The following CSMD1 variants were observed in gnomAD, a reference collection of about 807,000 sequenced individuals.
The protein encoded by CSMD1 is CUB and sushi domain-containing protein 1.
CSMD1 carries 213 observed loss-of-function variants against 417.5 expected under a neutral mutation model. The ratio of observed to expected loss-of-function variants is 0.51; its 90% CI spans 0.46 to 0.57. CSMD1 has a LOEUF of 0.57. Among genes scored for constraint, CSMD1 ranks in the 20% least tolerant of loss-of-function variants. CSMD1 has a pLI of 0.00. For synonymous variants in CSMD1, 2,862 were observed against 1,736.8 expected (o/e 1.65, Z -16.11); for missense variants, 6,923 against 4,529.7 (o/e 1.53, Z -15.17).
chr8:3,562,396 ATG>A (rs1799506583), intron 10 of CSMD1, among the ~76,000 whole-genome samples: 2 of 149,864 alleles, frequency 1.3e-5, no homozygotes, highest in Non-Finnish European at 1.5e-5. Flanking sequence ...ACGTACACAC[ATG>A]CATACACACA....
At chr8:4,014,152 G>A (rs773645323) in intron 4 of CSMD1, among the ~76,000 whole-genome samples, 1 of 152,118 alleles carries the variant, frequency 6.6e-6, no homozygotes, top group African/African-American at 2.4e-5. Flanking sequence ...TAATTGTGGT[G>A]AACTGTCATA....
intron 26 of CSMD1, 99 bp downstream of exon 26, chr8:3,284,045 C>G: frequency 2.0e-6 from 2 of 977,988 alleles, no homozygotes; most frequent in Non-Finnish European, 3.1e-6. Flanking sequence ...TAAATTGCAT[C>G]TGTGTAAGGA....
chr8:3,939,417 A>G (rs185135323), intron 5 of CSMD1, among the ~76,000 whole-genome samples: 2 of 152,282 alleles, frequency 1.3e-5, no homozygotes, highest in East Asian at 1.9e-4. Flanking sequence ...TGGTGTGTGT[A>G]TAAACTACTA....
chr8:4,747,462 G>T (rs991125890), intron 1 of CSMD1, among the ~76,000 whole-genome samples: 2 of 152,056 alleles, frequency 1.3e-5, no homozygotes, highest in Non-Finnish European at 2.9e-5. Context: ...AATTTAAGCA[G>T]GAAAGAGAAG....
At chr8:4,496,276 G>C (rs986894178) in intron 2 of CSMD1, among the ~76,000 whole-genome samples, 4 of 152,160 alleles carry the variant, frequency 2.6e-5, no homozygotes, top group Admixed American at 6.6e-5. Flanking sequence ...CCGTGGCTGG[G>C]ATAAGGTGGA....
intron 7 of CSMD1, among the ~76,000 whole-genome samples, chr8:3,672,244 A>T (rs1799110137): frequency 6.6e-6 from 1 of 152,140 alleles, no homozygotes. Context: ...AGATTTTTTA[A>T]AACTTACACA....
At chr8:3,706,375 A>T (rs78347707) in intron 7 of CSMD1, among the ~76,000 whole-genome samples, 1 of 152,220 alleles carries the variant, frequency 6.6e-6, no homozygotes, top group African/African-American at 2.4e-5. Context: ...AAACAATTTC[A>T]TTTTCTCTGT....
At chr8:2,995,390 C>A (rs1181474873) in intron 54 of CSMD1, among the ~76,000 whole-genome samples, 2 of 152,134 alleles carry the variant, frequency 1.3e-5, no homozygotes, top group African/African-American at 2.4e-5. Context: ...ACAGAGTGAC[C>A]GCACCGAATG....
intron 3 of CSMD1, among the ~76,000 whole-genome samples, chr8:4,129,430 G>A (rs1362687278): frequency 1.3e-5 from 2 of 152,032 alleles, no homozygotes; most frequent in African/African-American, 4.8e-5. Flanking sequence ...CCTCTTTTAG[G>A]TAGATGTACT....
chr8:4,468,334 T>C (rs1800317264), intron 2 of CSMD1, among the ~76,000 whole-genome samples: 1 of 152,218 alleles, frequency 6.6e-6, no homozygotes, highest in Non-Finnish European at 1.5e-5. Context: ...TAGGCCTTTT[T>C]AAAGGTGTTA....
chr8:3,978,687 C>T (rs1272659832), intron 5 of CSMD1, among the ~76,000 whole-genome samples: 1 of 152,118 alleles, frequency 6.6e-6, no homozygotes, highest in Admixed American at 6.6e-5. Context: ...CCCAACCCGG[C>T]TCTACTTATC....
chr8:4,321,861 A>C, intron 3 of CSMD1, among the ~76,000 whole-genome samples: 1 of 152,286 alleles, frequency 6.6e-6, no homozygotes, highest in East Asian at 1.9e-4. Context: ...TTCATTCAGA[A>C]GAAATGAATA....
chr8:3,165,736 C>A (rs1820168157), intron 37 of CSMD1, among the ~76,000 whole-genome samples: 2 of 152,052 alleles, frequency 1.3e-5, no homozygotes, highest in Admixed American at 1.3e-4. Flanking sequence ...AAAGGTGTGT[C>A]AGATGCAGGG....
At chr8:3,260,040 T>A (rs1418380022) in intron 26 of CSMD1, among the ~76,000 whole-genome samples, 2 of 152,122 alleles carry the variant, frequency 1.3e-5, no homozygotes, top group African/African-American at 4.8e-5. Context: ...AAAGGTTTGC[T>A]CCTCCCCGGT....
intron 2 of CSMD1, among the ~76,000 whole-genome samples, chr8:4,607,885 C>G (rs1243656114): frequency 6.6e-6 from 1 of 152,190 alleles, no homozygotes; most frequent in Non-Finnish European, 1.5e-5. Flanking sequence ...TCCTTGAATT[C>G]CTTCTTACTG....
At chr8:4,561,730 G>C (rs1299357549) in intron 2 of CSMD1, among the ~76,000 whole-genome samples, 1 of 152,142 alleles carries the variant, frequency 6.6e-6, no homozygotes, top group Non-Finnish European at 1.5e-5. Flanking sequence ...AAGAAAAAGA[G>C]AACATCACTG....
intron 3 of CSMD1, among the ~76,000 whole-genome samples, chr8:4,192,147 C>T (rs1799068484): frequency 6.6e-6 from 1 of 152,234 alleles, no homozygotes; most frequent in Non-Finnish European, 1.5e-5. Context: ...GTCTTCACTC[C>T]AGTGCACCAA....
chr8:4,416,890 A>C (rs1004936644), intron 3 of CSMD1, among the ~76,000 whole-genome samples: 1 of 152,080 alleles, frequency 6.6e-6, no homozygotes, highest in Non-Finnish European at 1.5e-5. Flanking sequence ...ATAGTACTTC[A>C]AAACTGGGCA....
Position 2,965,875 on chromosome 8 carries a change from G to A in CSMD1, c.9180C>T (p.Ser3060=). 1.2e-5 allele frequency: 20 copies of A among 1,610,398 alleles called. No homozygotes were observed. The highest frequency in any genetic ancestry group is 1.7e-5 in the Non-Finnish European group (20 of 1,178,334). Residue 3060 remains serine (S), a synonymous_variant, in exon 59 of 70, where the codon AGC becomes AGT. Transcript: ENST00000635120. The part of the protein sequence containing the change: ...GTDFTFNKTV[S]YQCNPGYVME... ...TGACATAGCCTGGGTTACACTGATAGCTCACAGTCTTGTTGAAGGTGAAGT... is the reference window on the plus strand; with the variant it reads ...TGACATAGCCTGGGTTACACTGATAACTCACAGTCTTGTTGAAGGTGAAGT...
Sources: gnomAD v4.1 joint callset for allele counts (sites outside exome capture counted in the v4.1 genomes callset) on GRCh38, gnomAD v4.1.1 for gene constraint, MANE v1.5 for transcripts, NCBI Gene and HGNC (gene_info 2026-07-23, HGNC 2026-07-21) for gene names.